Variants in PHTF1 observed in about 807,000 individuals in gnomAD.
The protein encoded by PHTF1 is protein PHTF1.
PHTF1 carries 88 observed loss-of-function variants against 102.4 expected under a neutral mutation model. That is an observed-to-expected ratio of 0.86 (90% CI 0.72 to 1.03). The LOEUF is 1.03. Among genes scored for constraint, PHTF1 ranks in the 50% least tolerant of loss-of-function variants. The pLI, the probability that PHTF1 is intolerant of heterozygous loss-of-function variation, is 0.00. For missense variants in PHTF1, 814 were observed against 909.5 expected, an observed-to-expected ratio of 0.89 and a Z score of 1.35; for synonymous variants, 289 against 305.2, an observed-to-expected ratio of 0.95 and a Z score of 0.55.
At chr1:113,710,765 A>G (rs1650955639) in intron 10 of PHTF1, among the ~76,000 whole-genome samples, 1 of 148,832 alleles carries the variant, frequency 6.7e-6, no homozygotes, top group Non-Finnish European at 1.5e-5. Context: ...AGTAGCTGGC[A>G]CTACAGGTGC....
intron 3 of PHTF1, among the ~76,000 whole-genome samples, chr1:113,745,594 T>A (rs995943358): frequency 6.6e-6 from 1 of 152,168 alleles, no homozygotes; most frequent in African/African-American, 2.4e-5. Context: ...AGGGAAGCTT[T>A]ATCTGTATTT....
At chr1:113,755,482 T>C (rs561506634) in intron 3 of PHTF1, among the ~76,000 whole-genome samples, 18 of 152,282 alleles carry the variant, frequency 1.2e-4, no homozygotes. Context: ...TATAGTTATT[T>C]TACATTTCAT....
intron 7 of PHTF1, chr1:113,713,757 C>G (rs7556622): frequency 0.61 from 146,050 of 238,200 alleles, 46,225 homozygotes; most frequent in African/African-American, 0.73. Context: ...CTTATATCGT[C>G]TGTTATTGCC....
intron 8 of PHTF1, among the ~76,000 whole-genome samples, chr1:113,712,340 G>C (rs1189556278): frequency 6.6e-6 from 1 of 151,988 alleles, no homozygotes; most frequent in Non-Finnish European, 1.5e-5. Context: ...CAAAAACCAA[G>C]ACTCAAGTCA....
At chr1:113,729,945 G>A (rs968326135) in intron 5 of PHTF1, among the ~76,000 whole-genome samples, 6 of 152,200 alleles carry the variant, frequency 3.9e-5, no homozygotes, top group African/African-American at 1.4e-4. Context: ...GACAACGGAA[G>A]CATCCTGTTT....
intron 3 of PHTF1, among the ~76,000 whole-genome samples, chr1:113,751,147 A>C (rs1223342516): frequency 6.6e-6 from 1 of 152,166 alleles, no homozygotes. Flanking sequence ...TTAATTGTGA[A>C]TATGTATACA....
intron 5 of PHTF1, among the ~76,000 whole-genome samples, chr1:113,734,697 A>G (rs1000858702): frequency 1.3e-5 from 2 of 152,222 alleles, no homozygotes; most frequent in South Asian, 4.1e-4. Context: ...AAAAGTTCTT[A>G]GCCTATCCAC....
intron 7 of PHTF1, 152 bp from the exon 8 acceptor site, chr1:113,713,590 G>A (rs1651510093): frequency 3.4e-6 from 2 of 583,992 alleles, no homozygotes; most frequent in Admixed American, 3.2e-5. Context: ...AAGTAAGGGT[G>A]TAGAATGACA....
In PHTF1 at chr1:113,706,081, G is replaced by A; in HGVS notation, c.1480C>T (p.His494Tyr). ...AGGCTCTTCTCACGGAAAAGTCGAT[G>A]TAAGAATGGAAAAAATGCTAATCCA... The part of the protein sequence containing the change: ...TIGLAFFPFL[H>Y]RLFREKSLDQ... Residue 494 changes from histidine (H) to tyrosine (Y), a missense_variant, in exon 13 of 19, where the codon CAT becomes TAT. Transcript: ENST00000369604. The A allele has an allele frequency of 6.2e-7, 1 of 1,614,062 alleles. No individual in the cohort carries two copies. The highest frequency in any genetic ancestry group is 1.3e-5 in the African/African-American group (1 of 75,056).
intron 16 of PHTF1, chr1:113,700,252 A>ATT (rs1649296011): frequency 4.4e-5 from 29 of 662,088 alleles, no homozygotes; most frequent in Non-Finnish European, 5.2e-5. Context: ...TTCTAAGACA[A>ATT]AAAAAAAACA....
At chr1:113,736,798 T>C (rs1464428521) in intron 5 of PHTF1, among the ~76,000 whole-genome samples, 1 of 152,030 alleles carries the variant, frequency 6.6e-6, no homozygotes, top group Non-Finnish European at 1.5e-5. Context: ...GGATATTATG[T>C]CTACAGCCAG....
intron 3 of PHTF1, among the ~76,000 whole-genome samples, chr1:113,753,663 T>G (rs1317723518): frequency 6.6e-6 from 1 of 151,928 alleles, no homozygotes; most frequent in Non-Finnish European, 1.5e-5. Flanking sequence ...CCTGAGCTCA[T>G]GCAATCTGCC....
At chr1:113,723,131 C>T (rs929498935) in intron 7 of PHTF1, among the ~76,000 whole-genome samples, 7 of 150,414 alleles carry the variant, frequency 4.7e-5, no homozygotes, top group African/African-American at 1.7e-4. Flanking sequence ...GCCAATGGAA[C>T]AGAATTGAGA....
At chr1:113,723,252 G>A (rs1054144423) in intron 7 of PHTF1, among the ~76,000 whole-genome samples, 17 of 149,284 alleles carry the variant, frequency 1.1e-4, no homozygotes, top group Non-Finnish European at 7.4e-5. Flanking sequence ...ATCCTGACTC[G>A]CTGCAACCTC....
At position 113,738,140 on chromosome 1, in the gene PHTF1, C is replaced by A; in HGVS notation, c.301G>T (p.Val101Phe). 1 of 1,612,262 alleles carries A rather than the reference C, an allele frequency of 6.2e-7. No individual in the cohort carries two copies. The highest frequency in any genetic ancestry group is 1.7e-4 in the Middle Eastern group (1 of 6,054). Residue 101 changes from valine to phenylalanine, a missense_variant, in exon 5 of 19, where the codon GTT (valine) becomes TTT (phenylalanine). Coordinates refer to ENST00000369604, the MANE Select transcript of PHTF1 (RefSeq NM_001323043.2). ...ATGAAATAAAGTAGTAACAGCCAAA[C>A]AAAGATTCTTAAAGAGGTAACCTGA... ...WIQVTSLRIF[V>F]WLLLLYFMQV...
At chr1:113,725,154 C>A (rs1294884970) in intron 6 of PHTF1, among the ~76,000 whole-genome samples, 1 of 152,094 alleles carries the variant, frequency 6.6e-6, no homozygotes, top group East Asian at 1.9e-4. Context: ...AAAAAAATTT[C>A]TACTTGTATG....
intron 7 of PHTF1, among the ~76,000 whole-genome samples, chr1:113,717,710 C>T (rs913345089): frequency 1.3e-5 from 2 of 151,942 alleles, no homozygotes; most frequent in East Asian, 1.9e-4. Context: ...TACATGGTGG[C>T]GGGCAAGAGA....
At chr1:113,747,870 A>T (rs934390645) in intron 3 of PHTF1, among the ~76,000 whole-genome samples, 2 of 152,098 alleles carry the variant, frequency 1.3e-5, no homozygotes, top group Non-Finnish European at 2.9e-5. Context: ...TGTCTACATG[A>T]TCCGTTTTGA....
At chr1:113,745,899 T>A (rs1657164152) in intron 3 of PHTF1, among the ~76,000 whole-genome samples, 1 of 152,180 alleles carries the variant, frequency 6.6e-6, no homozygotes, top group Non-Finnish European at 1.5e-5. Context: ...AGAAATAAAG[T>A]GTACAATAAT....
Sources: gnomAD v4.1 joint callset for allele counts (sites outside exome capture counted in the v4.1 genomes callset) on GRCh38, gnomAD v4.1.1 for gene constraint, MANE v1.5 for transcripts, NCBI Gene and HGNC (gene_info 2026-07-23, HGNC 2026-07-21) for gene names.